Variants in CLEC17A observed in about 807,000 individuals in gnomAD.
CLEC17A encodes the protein C-type lectin domain containing 17A, also known as C-type lectin domain family 17, member A.
In CLEC17A, 37 loss-of-function variants were observed where a neutral mutation model predicts 61.3. That is an observed-to-expected ratio of 0.60 (90% CI 0.46 to 0.79). The LOEUF (loss-of-function observed/expected upper bound fraction) is 0.79, where lower values mean the gene tolerates loss of function less well. Among genes scored for constraint, CLEC17A ranks in the 30% least tolerant of loss-of-function variants. The pLI, the probability that CLEC17A is intolerant of heterozygous loss-of-function variation, is 0.00. For missense variants in CLEC17A, 418 were observed against 464.7 expected, an observed-to-expected ratio of 0.90 and a Z score of 0.92; for synonymous variants, 168 against 164.9, an observed-to-expected ratio of 1.02 and a Z score of -0.14.
At chr19:14,581,318 AATT>A (rs1267132554), upstream of CLEC17A, among the ~76,000 whole-genome samples, 1 of 152,042 alleles carries the variant, frequency 6.6e-6, no homozygotes, top group Non-Finnish European at 1.5e-5. Context: ...CAGAAATAAT[AATT>A]ATTATTATTG....
chr19:14,586,850 G>T (rs11672017), intron 2 of CLEC17A, among the ~76,000 whole-genome samples: 2 of 151,712 alleles, frequency 1.3e-5, no homozygotes, highest in Admixed American at 6.6e-5. Flanking sequence ...CGGGGAGGTG[G>T]GTGGCTGTTG....
At chr19:14,605,133 T>C (rs2074823907) in intron 12 of CLEC17A, among the ~76,000 whole-genome samples, 1 of 151,776 alleles carries the variant, frequency 6.6e-6, no homozygotes, top group African/African-American at 2.4e-5. Flanking sequence ...TTTCGCTTTT[T>C]GTTGCCCAGG....
At chr19:14,583,739 TAAG>T (rs777517681) in intron 2 of CLEC17A, among the ~76,000 whole-genome samples, 1 of 152,024 alleles carries the variant, frequency 6.6e-6, no homozygotes, top group Non-Finnish European at 1.5e-5. Flanking sequence ...AGACATATCT[TAAG>T]AAGAGAAGTC....
At chr19:14,605,759 G>C (rs1568462072) in intron 12 of CLEC17A, among the ~76,000 whole-genome samples, 1 of 151,598 alleles carries the variant, frequency 6.6e-6, no homozygotes, top group Admixed American at 6.6e-5. Flanking sequence ...TTTTTTCCGG[G>C]ACAGAGGCTT....
Position 14,610,976 on chromosome 19 carries a change from T to G in CLEC17A, c.*780T>G, listed in dbSNP as rs2075027833. The stretch of plus-strand genomic sequence containing the variant: ...CGTACCTGGCCGATATTTTTATTTT[T>G]ATTTTTACTTTCCCCATCTTTTCCT... On this transcript the variant is annotated 3_prime_UTR_variant, in exon 14 of 14. Coordinates refer to ENST00000417570, the MANE Select transcript of CLEC17A (RefSeq NM_001204118.2). 2.6e-5 allele frequency: 4 copies of G among 151,248 alleles called. No individual in the cohort carries two copies. In the Admixed American group the frequency reaches 2.7e-4, roughly 10 times the overall value. 9.4% of individuals were successfully genotyped at this position (151,248 alleles called of 1,614,324 possible). A position where few individuals can be genotyped will look rare whatever the true frequency, so the allele number is the denominator to read the frequency against.
At chr19:14,590,547 C>G (rs556569187) in intron 3 of CLEC17A, among the ~76,000 whole-genome samples, 2 of 151,986 alleles carry the variant, frequency 1.3e-5, no homozygotes, top group African/African-American at 4.8e-5. Context: ...GCCACCGTGC[C>G]CGGCTAATTT....
rs953562343 is a variant in CLEC17A at position 14,610,367 on chromosome 19, T to G, written c.*171T>G. On this transcript the variant is annotated 3_prime_UTR_variant, in exon 14 of 14. Transcript: ENST00000417570. ...CCAGGGGTGCAAGTCAGGCTGTTTC[T>G]AGAGTGAGGACTTGGGCTTGCCCTA... 9.0e-6 allele frequency: 8 copies of G among 885,026 alleles called. No individual in the cohort carries two copies. In the East Asian group the frequency reaches 1.9e-4, roughly 21 times the overall value. 54.8% of individuals were successfully genotyped at this position (885,026 alleles called of 1,614,324 possible).
intron 12 of CLEC17A, among the ~76,000 whole-genome samples, chr19:14,601,219 T>G (rs1265855085): frequency 6.6e-6 from 1 of 152,110 alleles, no homozygotes; most frequent in Non-Finnish European, 1.5e-5. Context: ...GGTTACTTTA[T>G]GCTGCGGTAA....
At chr19:14,589,540 CCTA>C (rs1188929448) in intron 3 of CLEC17A, among the ~76,000 whole-genome samples, 1 of 135,458 alleles carries the variant, frequency 7.4e-6, no homozygotes, top group Non-Finnish European at 1.5e-5. Flanking sequence ...AAGCAATCCT[CCTA>C]CTACACCCTC....
intron 3 of CLEC17A, among the ~76,000 whole-genome samples, chr19:14,590,742 G>A (rs71334721): frequency 3.0e-4 from 45 of 151,422 alleles, no homozygotes; most frequent in African/African-American, 7.3e-4. Flanking sequence ...GCTGGAGTGT[G>A]GTAGTGCAAT....
chr19:14,583,490 T>G, intron 2 of CLEC17A, 56 bp downstream of exon 2: 1 of 1,607,248 alleles, frequency 6.2e-7, no homozygotes, highest in Non-Finnish European at 8.5e-7. Context: ...GGGTCTCCAG[T>G]GGGCATTGGT....
At chr19:14,608,634 T>TC (rs1255074379) in intron 13 of CLEC17A, among the ~76,000 whole-genome samples, 2 of 131,496 alleles carry the variant, frequency 1.5e-5, no homozygotes, top group African/African-American at 3.0e-5. Flanking sequence ...AAGAATTTTT[T>TC]TTTTTTTTTT....
chr19:14,607,149 C>A, intron 13 of CLEC17A, 47 bp downstream of exon 13: 1 of 923,894 alleles, frequency 1.1e-6, no homozygotes, highest in Non-Finnish European at 1.4e-6. Flanking sequence ...TCTGTGGGCC[C>A]TGACCATGGG....
upstream of CLEC17A, among the ~76,000 whole-genome samples, chr19:14,581,370 C>CT (rs1386007258): frequency 6.6e-6 from 1 of 152,140 alleles, no homozygotes; most frequent in East Asian, 1.9e-4. Flanking sequence ...TTTGCCCAGG[C>CT]TGGAATGCAG....
intron 8 of CLEC17A, 105 bp downstream of exon 8, chr19:14,595,420 C>A: frequency 3.9e-6 from 5 of 1,294,562 alleles, no homozygotes; most frequent in African/African-American, 1.5e-5. Flanking sequence ...CTTTAAGAAG[C>A]TGCTCCTTCA....
At chr19:14,582,842 A>G (rs2074198379), upstream of CLEC17A, among the ~76,000 whole-genome samples, 1 of 151,648 alleles carries the variant, frequency 6.6e-6, no homozygotes, top group South Asian at 2.1e-4. Flanking sequence ...TCCTGGCCTT[A>G]AGTGATCCAT....
chr19:14,587,493 A>C, intron 2 of CLEC17A, 121 bp from the exon 3 acceptor site: 2 of 1,330,170 alleles, frequency 1.5e-6, no homozygotes, highest in Non-Finnish European at 2.0e-6. Context: ...GCTGGGGCCC[A>C]GGTGTGGTCA....
chr19:14,587,823 CA>C (rs2074321905), intron 3 of CLEC17A, 132 bp downstream of exon 3: 7 of 1,515,982 alleles, frequency 4.6e-6, no homozygotes, highest in Non-Finnish European at 6.2e-6. Context: ...GTGGAACCCA[CA>C]CCCTGCCCAG....
intron 3 of CLEC17A, among the ~76,000 whole-genome samples, chr19:14,590,865 T>A (rs1367924890): frequency 6.6e-6 from 1 of 150,732 alleles, no homozygotes; most frequent in Non-Finnish European, 1.5e-5. Context: ...TTTTCTAATT[T>A]TTTTTTTTTT....
Sources: allele counts gnomAD v4.1 joint callset (sites outside exome capture counted in the v4.1 genomes callset), GRCh38; gene constraint gnomAD v4.1.1; transcripts MANE v1.5; gene names NCBI Gene and HGNC (gene_info 2026-07-23, HGNC 2026-07-21).